Variants in SPACA9 observed in about 807,000 individuals in gnomAD.
SPACA9 encodes the protein sperm acrosome associated 9.
Under a neutral mutation model 12.5 loss-of-function variants are expected in SPACA9, and 14 were observed. The ratio of observed to expected loss-of-function variants is 1.12; its 90% confidence interval spans 0.74 to 1.75. The LOEUF is 1.75. SPACA9 is among the 40% of genes most tolerant of loss of function. SPACA9 has a pLI of 0.00. For synonymous variants in SPACA9, 111 were observed against 114.1 expected, an observed-to-expected ratio of 0.97 and a Z score of 0.17; for missense variants, 292 against 291.9, an observed-to-expected ratio of 1.00 and a Z score of 0.00.
At chr9:132,881,374 G>A (rs567260467) in intron 1 of SPACA9, among the ~76,000 whole-genome samples, 25 of 151,208 alleles carry the variant, frequency 1.7e-4, no homozygotes, top group South Asian at 4.2e-4. Flanking sequence ...AGGCTGAGGC[G>A]GGAGGATCAC....
chr9:132,883,067 C>G (rs1047194893), intron 1 of SPACA9, among the ~76,000 whole-genome samples: 28 of 152,290 alleles, frequency 1.8e-4, no homozygotes, highest in Admixed American at 1.7e-3. Context: ...GGAGCACACA[C>G]CCACAGACTT....
rs1483077219 is a variant in SPACA9 at position 132,887,684 on chromosome 9, A to G, written c.347+113A>G. 6.2e-6 allele frequency: 5 copies of G among 801,346 alleles called. No homozygotes were observed. The highest frequency in any genetic ancestry group is 4.5e-5 in the Admixed American group (2 of 44,102). The allele number at this position is 801,346 out of a possible 1,614,324, so 49.6% of individuals were successfully genotyped here. On this transcript the variant is annotated intron_variant, in intron 3 of 3. Coordinates refer to ENST00000356311, the MANE Select transcript of SPACA9 (RefSeq NM_001316897.2). The surrounding 1 kb of genome is among the most constrained non-coding windows in gnomAD (Gnocchi z 5.4). ...GTGCTCCTATTAGACCACCCCGGGC[A>G]GGAAATCCCAGTCTCCACTCATTTA...
intron 1 of SPACA9, among the ~76,000 whole-genome samples, chr9:132,881,105 T>C (rs1400633566): frequency 6.6e-6 from 1 of 151,538 alleles, no homozygotes; most frequent in African/African-American, 2.4e-5. Flanking sequence ...ATTACAGGCG[T>C]GAGCTACCGC....
intron 1 of SPACA9, among the ~76,000 whole-genome samples, chr9:132,880,676 G>T (rs945905612): frequency 6.6e-6 from 1 of 152,098 alleles, no homozygotes; most frequent in African/African-American, 2.4e-5. Context: ...TGTTTTTCAC[G>T]TTTTAATGCA....
In SPACA9 at chr9:132,888,562, C is replaced by A. The variant is rs1383787233; in HGVS notation, c.620C>A (p.Pro207His). ...CRQLTKASLK[P>H]RGCSKPPWRP... ...CAGCTCACAAAAGCCAGCCTCAAAC[C>A]CAGGGGATGTTCAAAACCACCCTGG... The change falls in exon 4 of 4, where the codon CCC (proline) becomes CAC (histidine). Residue 207 changes from proline (P) to histidine (H), a missense_variant. Physicochemically the swap from Pro to His is moderately conservative, Grantham distance 77. Coordinates refer to ENST00000356311, the MANE Select transcript of SPACA9 (RefSeq NM_001316897.2). The surrounding 1 kb of genome is among the most constrained non-coding windows in gnomAD (Gnocchi z 5.0). 6.4e-7 allele frequency: 1 copy of A among 1,551,216 alleles called. No homozygotes were observed. The highest frequency in any genetic ancestry group is 2.0e-5 in the Admixed American group (1 of 50,946).
upstream of SPACA9, chr9:132,878,419 A>G (rs1844259126): frequency 1.6e-6 from 2 of 1,234,928 alleles, no homozygotes; most frequent in Non-Finnish European, 1.0e-6. The surrounding 1 kb of genome is among the most constrained non-coding windows in gnomAD (Gnocchi z 4.7). Context: ...TCCCCGGCTG[A>G]CGCGCTCTGC....
upstream of SPACA9, chr9:132,878,733 G>C: frequency 2.0e-6 from 2 of 986,806 alleles, no homozygotes; most frequent in Non-Finnish European, 2.4e-6. The surrounding 1 kb of genome is among the most constrained non-coding windows in gnomAD (Gnocchi z 4.7). Flanking sequence ...GGAGGTTCGA[G>C]GATCGGGTGG....
At chr9:132,884,925 C>A (rs1178463754) in intron 2 of SPACA9, among the ~76,000 whole-genome samples, 1 of 151,824 alleles carries the variant, frequency 6.6e-6, no homozygotes, top group Non-Finnish European at 1.5e-5. Context: ...ACCAGCCTGA[C>A]CAACATGGTG....
At chr9:132,878,435 G>A (rs747099242), upstream of SPACA9, 38 of 1,230,834 alleles carry the variant, frequency 3.1e-5, no homozygotes, top group Non-Finnish European at 3.8e-5. This position sits in a 1 kb window ranked among gnomAD's most constrained non-coding sequence, Gnocchi z 4.7. Context: ...TCTGCGGCTC[G>A]GGCAAGTTCT....
chr9:132,884,083 AT>A lies in SPACA9; in HGVS notation c.138del (p.Ile46MetfsTer31). ...CGACAAGATCCGGCCCATCTCCAGC[AT>A]TGGACAGGTGGGGCTCCCGACCCCC... is the stretch of plus-strand genomic sequence containing the variant. ...AHDKIRPISSIGQVQSYMEHY... is the reference protein window; with the variant it reads ...AHDKIRPISSXGQVQSYMEHY... On this transcript the variant is annotated frameshift_variant, in exon 2 of 4. Transcript: ENST00000356311. LOFTEE classifies it high-confidence loss of function. The A allele has an allele frequency of 6.2e-7, 1 of 1,613,478 alleles. No individual in the cohort carries two copies.
chr9:132,878,357 G>A, upstream of SPACA9: 1 of 1,255,682 alleles, frequency 8.0e-7, no homozygotes, highest in Admixed American at 4.2e-5. This position sits in a 1 kb window ranked among gnomAD's most constrained non-coding sequence, Gnocchi z 4.7. Context: ...CAGGCTCCGC[G>A]CCGGGCCCAG....
intron 1 of SPACA9, among the ~76,000 whole-genome samples, chr9:132,880,397 C>T (rs1403859462): frequency 6.6e-6 from 1 of 152,178 alleles, no homozygotes; most frequent in Non-Finnish European, 1.5e-5. Context: ...ACATTCCTGG[C>T]GTGCATGTCA....
intron 1 of SPACA9, among the ~76,000 whole-genome samples, chr9:132,880,555 G>A (rs1844382461): frequency 6.6e-6 from 1 of 152,150 alleles, no homozygotes; most frequent in South Asian, 2.1e-4. Flanking sequence ...CTTTTCTGGA[G>A]CTTCACCTTT....
At chr9:132,878,491 G>A (rs1306317280), upstream of SPACA9, 3 of 1,208,408 alleles carry the variant, frequency 2.5e-6, no homozygotes, top group East Asian at 6.7e-5. This position sits in a 1 kb window ranked among gnomAD's most constrained non-coding sequence, Gnocchi z 4.7. Flanking sequence ...ATCTTAGCGG[G>A]GGACACCCTC....
intron 2 of SPACA9, among the ~76,000 whole-genome samples, chr9:132,885,814 C>T (rs1461229069): frequency 6.6e-6 from 1 of 152,194 alleles, no homozygotes; most frequent in South Asian, 2.1e-4. Context: ...TAGGTTCAGC[C>T]GAAGGCTCTT....
At position 132,888,192 on chromosome 9, in the gene SPACA9, C is replaced by T. The variant is rs1844623921; in HGVS notation, c.348-98C>T. ...GCTGTGTGTCCAGTTCTAAAGCCTC[C>T]CCAGGTGACTCTGCTGTGCCTGAGG... On this transcript the variant is annotated intron_variant, in intron 3 of 3. Transcript: ENST00000356311. This position sits in a 1 kb window ranked among gnomAD's most constrained non-coding sequence, Gnocchi z 5.0. 6.5e-7 allele frequency: 1 copy of T among 1,528,354 alleles called. No homozygotes were observed. The highest frequency in any genetic ancestry group is 8.8e-7 in the Non-Finnish European group (1 of 1,138,294). The allele number at this position is 1,528,354 out of a possible 1,614,324, so 94.7% of individuals were successfully genotyped here.
At chr9:132,880,398 G>A (rs58894392) in intron 1 of SPACA9, among the ~76,000 whole-genome samples, 158 of 152,176 alleles carry the variant, frequency 1.0e-3, no homozygotes, top group African/African-American at 2.6e-3. Context: ...CATTCCTGGC[G>A]TGCATGTCAC....
chr9:132,886,782 T>G (rs954698925), intron 2 of SPACA9, among the ~76,000 whole-genome samples: 5 of 152,056 alleles, frequency 3.3e-5, no homozygotes, highest in Non-Finnish European at 7.4e-5. Flanking sequence ...TCCATCTATC[T>G]ATCTACCCAT....
chr9:132,885,594 A>G (rs923273506), intron 2 of SPACA9, among the ~76,000 whole-genome samples: 2 of 151,982 alleles, frequency 1.3e-5, no homozygotes, highest in African/African-American at 4.8e-5. Flanking sequence ...CCGACTTGTG[A>G]CATTTAGCCA....
Sources: gnomAD v4.1 joint callset for allele counts (sites outside exome capture counted in the v4.1 genomes callset) on GRCh38, gnomAD v4.1.1 for gene constraint, Gnocchi (gnomAD v3.1) non-coding constraint, MANE v1.5 for transcripts, NCBI Gene and HGNC (gene_info 2026-07-23, HGNC 2026-07-21) for gene names.